Variants in LMF1 observed in about 807,000 individuals in gnomAD.
LMF1 encodes the protein lipase maturation factor 1, also known as transmembrane protein 112.
In LMF1, 68 loss-of-function variants were observed where a neutral mutation model predicts 60.6. The ratio of observed to expected loss-of-function variants is 1.12; its 90% CI spans 0.92 to 1.37. The LOEUF is 1.37. Ranked by LOEUF, LMF1 falls within the 40% of genes most tolerant of loss-of-function variation. The probability of loss-of-function intolerance (pLI) is 0.00; values close to 1 mark genes in which losing one functional copy is unlikely to be tolerated. For missense variants in LMF1, 948 were observed against 767.2 expected, an observed-to-expected ratio of 1.24 and a Z score of -2.78; for synonymous variants, 418 against 324.7, an observed-to-expected ratio of 1.29 and a Z score of -3.09.
intron 10 of LMF1, among the ~76,000 whole-genome samples, chr16:866,813 G>GC (rs149704587): frequency 0.011 from 1,735 of 152,296 alleles, 12 homozygotes; most frequent in Non-Finnish European, 0.016. Flanking sequence ...GTCTGCATCT[G>GC]CTGGCATTAC....
At chr16:895,449 T>A (rs1359233224) in intron 4 of LMF1, among the ~76,000 whole-genome samples, 3 of 152,110 alleles carry the variant, frequency 2.0e-5, no homozygotes, top group African/African-American at 7.2e-5. Flanking sequence ...GGGAGGGCCT[T>A]CGGGGCGGCC....
chr16:911,237 AC>A lies in LMF1; in HGVS notation c.515-159del, dbSNP rs977214043. ...CGCACGTATTAGTCTCAACATCGAC[AC>A]GCAAGGTCAGGTCTGCAGGAGTGGG... On this transcript the variant is annotated intron_variant, in intron 3 of 10. Coordinates refer to ENST00000262301, the MANE Select transcript of LMF1 (RefSeq NM_022773.4). 4.6e-6 allele frequency: 4 copies of A among 865,046 alleles called. No homozygotes were observed. The African/African-American group carries it at 6.7e-5, about 14-fold the overall frequency. The allele number at this position is 865,046 out of a possible 1,614,324, so 53.6% of individuals were successfully genotyped here. A position where few individuals can be genotyped will look rare whatever the true frequency, so the allele number is the denominator to read the frequency against.
chr16:865,457 TCTC>T (rs1409063852), intron 10 of LMF1, among the ~76,000 whole-genome samples: 5 of 152,204 alleles, frequency 3.3e-5, no homozygotes, highest in Non-Finnish European at 4.4e-5. Flanking sequence ...TTCAAGCAAT[TCTC>T]CTGCTCAGCT....
At chr16:859,086 G>T (rs1297338867) in intron 10 of LMF1, among the ~76,000 whole-genome samples, 1 of 119,174 alleles carries the variant, frequency 8.4e-6, no homozygotes, top group Non-Finnish European at 1.6e-5. Context: ...GGTGTGAGTG[G>T]TGTCTCGGGA....
chr16:936,259 C>A (rs2071941222), intron 2 of LMF1, among the ~76,000 whole-genome samples: 1 of 145,032 alleles, frequency 6.9e-6, no homozygotes, highest in Non-Finnish European at 1.5e-5. Flanking sequence ...AGAGAGGGCA[C>A]CCCGTGGGCT....
intron 2 of LMF1, among the ~76,000 whole-genome samples, chr16:951,365 T>C (rs1280214579): frequency 1.3e-5 from 2 of 151,988 alleles, no homozygotes; most frequent in African/African-American, 4.8e-5. Flanking sequence ...GAGCCAACGA[T>C]GGAGTCAGAG....
intron 5 of LMF1, chr16:883,996 A>G (rs758932766): frequency 1.8e-4 from 28 of 152,290 alleles, no homozygotes; most frequent in Admixed American, 9.8e-4. Context: ...GGATTTGTCT[A>G]TGTCTGCTTA....
At chr16:945,905 A>G (rs976153017) in intron 2 of LMF1, among the ~76,000 whole-genome samples, 12 of 152,240 alleles carry the variant, frequency 7.9e-5, no homozygotes, top group African/African-American at 2.7e-4. Flanking sequence ...CAGGACCAGA[A>G]AAGCCTCAGT....
Position 953,974 on chromosome 16 carries a change from TGTCC to T in LMF1, c.503+379_503+382del, listed in dbSNP as rs1567312081. ...ACCCACCCCAAACCAGCCTCCTACA[TGTCC>T]ACACAGACACCCCAAACCAGCCTCC... On this transcript the variant is annotated intron_variant, in intron 2 of 10. Coordinates refer to ENST00000262301, the MANE Select transcript of LMF1 (RefSeq NM_022773.4). 5.5e-3 allele frequency among the ~76,000 whole-genome samples: 21 copies of T among 3,840 alleles called. 9 individuals are homozygous for T. The South Asian group carries it at 0.059, about 11-fold the overall frequency. 2.5% of individuals were successfully genotyped at this position (3,840 alleles called of 152,430 possible).
intron 10 of LMF1, among the ~76,000 whole-genome samples, chr16:868,524 G>A (rs1170249213): frequency 6.6e-6 from 1 of 152,162 alleles, no homozygotes; most frequent in African/African-American, 2.4e-5. Flanking sequence ...GGCCCACAGG[G>A]CTCTCACTGC....
At chr16:895,691 G>A (rs1445900579) in intron 4 of LMF1, among the ~76,000 whole-genome samples, 2 of 152,196 alleles carry the variant, frequency 1.3e-5, no homozygotes, top group African/African-American at 4.8e-5. Flanking sequence ...TCAAGTGACC[G>A]ATGCCGAGAG....
At chr16:943,006 C>T (rs1442751390) in intron 2 of LMF1, among the ~76,000 whole-genome samples, 1 of 152,218 alleles carries the variant, frequency 6.6e-6, no homozygotes, top group Non-Finnish European at 1.5e-5. Flanking sequence ...TTATTAAGCC[C>T]AGGCAACAGA....
At chr16:856,696 G>C (rs2069193374) in intron 10 of LMF1, among the ~76,000 whole-genome samples, 1 of 152,246 alleles carries the variant, frequency 6.6e-6, no homozygotes, top group African/African-American at 2.4e-5. Context: ...CCAACTGGCA[G>C]GTTGGTGGGA....
At chr16:952,242 CA>C (rs2072490982) in intron 2 of LMF1, among the ~76,000 whole-genome samples, 1 of 152,126 alleles carries the variant, frequency 6.6e-6, no homozygotes, top group African/African-American at 2.4e-5. Context: ...GTGCCCACCC[CA>C]GCAACAGCCA....
chr16:949,270 G>C (rs1369615755), intron 2 of LMF1, among the ~76,000 whole-genome samples: 9 of 148,078 alleles, frequency 6.1e-5, no homozygotes, highest in African/African-American at 2.3e-4. Context: ...GACAGAGTCA[G>C]AGACAACGAC....
At chr16:950,246 A>C (rs1234285222) in intron 2 of LMF1, among the ~76,000 whole-genome samples, 1 of 106,912 alleles carries the variant, frequency 9.4e-6, no homozygotes, top group Non-Finnish European at 1.8e-5. Flanking sequence ...ACAATGACAG[A>C]GTCAGCCAAC....
At chr16:889,953 G>T (rs2070430503) in intron 5 of LMF1, among the ~76,000 whole-genome samples, 1 of 152,190 alleles carries the variant, frequency 6.6e-6, no homozygotes, top group African/African-American at 2.4e-5. Context: ...CCTGACACTG[G>T]CTGGCCCTGC....
intron 1 of LMF1, among the ~76,000 whole-genome samples, chr16:970,477 G>C (rs2073018937): frequency 6.6e-6 from 1 of 152,206 alleles, no homozygotes; most frequent in South Asian, 2.1e-4. Context: ...GCCCGGGCCG[G>C]CCCCGCCTCG....
chr16:928,984 C>G (rs1462576744), intron 3 of LMF1, among the ~76,000 whole-genome samples: 1 of 152,186 alleles, frequency 6.6e-6, no homozygotes, highest in Non-Finnish European at 1.5e-5. Flanking sequence ...AGGAGCTGAG[C>G]CAGAGGAAGC....
Sources: gnomAD v4.1 joint callset for allele counts (sites outside exome capture counted in the v4.1 genomes callset) on GRCh38, gnomAD v4.1.1 for gene constraint, MANE v1.5 for transcripts, NCBI Gene and HGNC (gene_info 2026-07-23, HGNC 2026-07-21) for gene names.